Variants in SNX25 observed in about 807,000 individuals in gnomAD.
The protein encoded by SNX25 is sorting nexin-25.
Under a neutral mutation model 113.7 loss-of-function variants are expected in SNX25, and 62 were observed. That is an observed-to-expected ratio of 0.55 (90% CI 0.44 to 0.67). The LOEUF (loss-of-function observed/expected upper bound fraction) is 0.67. Among genes scored for constraint, SNX25 ranks in the 30% least tolerant of loss-of-function variants. The probability of loss-of-function intolerance (pLI) is 0.00; values close to 1 mark genes in which losing one functional copy is unlikely to be tolerated. For missense variants in SNX25, 1,014 were observed against 1,161.0 expected (o/e 0.87, Z 1.84); for synonymous variants, 421 against 436.2 (o/e 0.97, Z 0.43).
chr4:185,247,370 T>G lies in SNX25; in HGVS notation c.506T>G (p.Leu169Arg). ...VVISHNMDKA[L>R]KEVFDYSYRD... The stretch of plus-strand genomic sequence containing the variant: ...ATTTCTCATAATATGGATAAAGCTC[T>G]GAAAGAAGGTAAGGATTAAATGAGA... The change falls in exon 2 of 19, where the codon CTG becomes CGG. Residue 169 changes from leucine to arginine, a missense_variant. Leu to Arg is a moderately radical substitution (Grantham distance 102, BLOSUM62 -2). Coordinates refer to ENST00000652585, the MANE Select transcript of SNX25 (RefSeq NM_001378034.2). The G allele has an allele frequency of 6.3e-7, 1 of 1,596,242 alleles. No homozygotes were observed. The highest frequency in any genetic ancestry group is 8.6e-7 in the Non-Finnish European group (1 of 1,164,246).
chr4:185,235,414 G>T (rs962032186), intron 1 of SNX25, among the ~76,000 whole-genome samples: 1 of 152,192 alleles, frequency 6.6e-6, no homozygotes, highest in Non-Finnish European at 1.5e-5. Flanking sequence ...TCTTCTGGAG[G>T]TGCCCTGCTC....
At chr4:185,374,398 T>G, downstream of SNX25, 7 of 1,614,204 alleles carry the variant, frequency 4.3e-6, no homozygotes, top group Non-Finnish European at 5.9e-6. Flanking sequence ...GCTGCAAATT[T>G]TAAGTGTCTT....
chr4:185,362,513 A>G, intron 17 of SNX25, 98 bp from the exon 18 acceptor site: 1 of 1,247,134 alleles, frequency 8.0e-7, no homozygotes, highest in Non-Finnish European at 1.1e-6. Flanking sequence ...CCATGTGTTT[A>G]TTGACTGAAG....
chr4:185,349,521 A>G (rs945120571), intron 13 of SNX25, among the ~76,000 whole-genome samples: 1 of 152,172 alleles, frequency 6.6e-6, no homozygotes, highest in African/African-American at 2.4e-5. Context: ...CTAATTTACA[A>G]TCCCACCAAC....
chr4:185,307,173 A>G (rs1241788278), intron 6 of SNX25, among the ~76,000 whole-genome samples: 1 of 152,178 alleles, frequency 6.6e-6, no homozygotes, highest in African/African-American at 2.4e-5. Context: ...CCTGAGTGCT[A>G]TGTTATACAT....
chr4:185,294,518 G>T (rs1015288773), intron 6 of SNX25, among the ~76,000 whole-genome samples: 1 of 152,282 alleles, frequency 6.6e-6, no homozygotes, highest in East Asian at 1.9e-4. Context: ...GGCAAGAGGG[G>T]CATAGGAAAC....
In SNX25 at chr4:185,334,522, A is replaced by G. The variant is rs1403784697; in HGVS notation, c.1914+1763A>G. 1.3e-5 allele frequency among the ~76,000 whole-genome samples: 2 copies of G among 152,242 alleles called. No individual in the cohort carries two copies. The highest frequency in any genetic ancestry group is 4.8e-5 in the African/African-American group (2 of 41,468). On this transcript the variant is annotated intron_variant, in intron 10 of 18. Transcript: ENST00000652585. This position sits in a 1 kb window ranked among gnomAD's most constrained non-coding sequence, Gnocchi z 4.2. Reference sequence around the variant, plus strand: ...CAGTGACAAGAACATGTCTGAGATGATAAACAGAATTCGCTGGCATGGCAG... The same window carrying G: ...CAGTGACAAGAACATGTCTGAGATGGTAAACAGAATTCGCTGGCATGGCAG...
At chr4:185,331,671 C>T (rs887898070) in intron 9 of SNX25, among the ~76,000 whole-genome samples, 1 of 152,018 alleles carries the variant, frequency 6.6e-6, no homozygotes, top group Non-Finnish European at 1.5e-5. Context: ...GTACCAGCTA[C>T]TCGGGAGGCT....
downstream of SNX25, among the ~76,000 whole-genome samples, chr4:185,373,838 T>C (rs2095424235): frequency 6.6e-6 from 1 of 152,230 alleles, no homozygotes. Context: ...ACGGTAATAT[T>C]CATCTGTTCA....
chr4:185,268,756 G>A (rs2126553887), intron 5 of SNX25, among the ~76,000 whole-genome samples: 1 of 152,254 alleles, frequency 6.6e-6, no homozygotes, highest in African/African-American at 2.4e-5. Flanking sequence ...AGACGTAGAT[G>A]GCACTGTGTT....
chr4:185,308,498 A>G (rs1423081856), intron 6 of SNX25, among the ~76,000 whole-genome samples: 1 of 152,186 alleles, frequency 6.6e-6, no homozygotes, highest in Non-Finnish European at 1.5e-5. Flanking sequence ...CTTGAAGAGT[A>G]GGAGTTGAGG....
chr4:185,363,426 G>A lies in SNX25; in HGVS notation c.2976G>A (p.Leu992=). The A allele has an allele frequency of 6.2e-7, 1 of 1,614,106 alleles. No homozygotes were observed. Among genetic ancestry groups the A allele is most frequent in the Non-Finnish European group, 8.5e-7 (1 of 1,180,016 alleles). The stretch of plus-strand genomic sequence containing the variant: ...TGCTAATTGAACTGTGTCCTGAGCT[G>A]AGAGTTCATTTAGATCAACTTAAAG... The part of the protein sequence containing the change: ...ELLLIELCPE[L]RVHLDQLKAG... The change falls in exon 19 of 19, where the codon CTG becomes CTA. Residue 992 remains leucine (L), a synonymous_variant. Coordinates refer to ENST00000652585, the MANE Select transcript of SNX25 (RefSeq NM_001378034.2). The surrounding 1 kb of genome is among the most constrained non-coding windows in gnomAD (Gnocchi z 4.2).
intron 7 of SNX25, among the ~76,000 whole-genome samples, chr4:185,316,142 T>G (rs781022464): frequency 6.6e-5 from 10 of 152,232 alleles, no homozygotes; most frequent in Non-Finnish European, 1.0e-4. Flanking sequence ...CTTTTATCCA[T>G]ATTTATGTAA....
At position 185,346,581 on chromosome 4, in the gene SNX25, G is replaced by A. The variant is rs1313839709; in HGVS notation, c.2232G>A (p.Lys744=). 8 of 1,596,358 alleles carry A rather than the reference G, an allele frequency of 5.0e-6. No individual in the cohort carries two copies. The Middle Eastern group carries it at 6.6e-4, about 132-fold the overall frequency. ...LKKVQLPSLS[K]LPFKSIDQKF... is the part of the protein sequence containing the mutation. The stretch of plus-strand genomic sequence containing the variant: ...AAGTCCAGTTGCCTTCTCTTAGCAA[G>A]CTGCCTTTCAAATCTATAGATCAAA... Residue 744 remains lysine, a synonymous_variant, in exon 13 of 19, where the codon AAG becomes AAA. Transcript: ENST00000652585.
At chr4:185,208,896 C>G (rs1737331685), upstream of SNX25, among the ~76,000 whole-genome samples, 1 of 152,148 alleles carries the variant, frequency 6.6e-6, no homozygotes. Context: ...CTGGCTGGGA[C>G]TATGACAGAA....
At chr4:185,343,417 T>C (rs2095270139) in intron 12 of SNX25, among the ~76,000 whole-genome samples, 1 of 152,260 alleles carries the variant, frequency 6.6e-6, no homozygotes, top group Non-Finnish European at 1.5e-5. Context: ...TTTATGTATA[T>C]GTATATATGT....
intron 2 of SNX25, among the ~76,000 whole-genome samples, chr4:185,251,366 A>G (rs1470389908): frequency 6.6e-6 from 1 of 152,042 alleles, no homozygotes; most frequent in Non-Finnish European, 1.5e-5. Flanking sequence ...ATCTTGCAAA[A>G]CTGAAACTCT....
intron 1 of SNX25, among the ~76,000 whole-genome samples, chr4:185,239,838 C>T (rs112644441): frequency 0.3 from 42,091 of 138,114 alleles, 7,899 homozygotes; most frequent in East Asian, 0.52. Context: ...GGCAGGGTCA[C>T]AGGACAATAG....
At chr4:185,345,533 G>A (rs2126731343) in intron 12 of SNX25, among the ~76,000 whole-genome samples, 1 of 152,270 alleles carries the variant, frequency 6.6e-6, no homozygotes, top group Non-Finnish European at 1.5e-5. Flanking sequence ...GGTGACTCAT[G>A]CCTGTAATTC....
Sources: gnomAD v4.1 joint callset for allele counts (sites outside exome capture counted in the v4.1 genomes callset) on GRCh38, gnomAD v4.1.1 for gene constraint, Gnocchi (gnomAD v3.1) non-coding constraint, MANE v1.5 for transcripts, NCBI Gene and HGNC (gene_info 2026-07-23, HGNC 2026-07-21) for gene names.